PGS1: variants seen among roughly 807,000 people sequenced by gnomAD.
PGS1 encodes CDP-diacylglycerol--glycerol-3-phosphate 3-phosphatidyltransferase, mitochondrial.
PGS1 carries 44 observed loss-of-function variants against 58.3 expected under a neutral mutation model. The ratio of observed to expected loss-of-function variants is 0.75; its 90% CI spans 0.59 to 0.97. The LOEUF (loss-of-function observed/expected upper bound fraction) is 0.97. PGS1 is among the 50% of genes least tolerant of loss of function. The pLI, the probability that PGS1 is intolerant of heterozygous loss-of-function variation, is 0.00. For missense variants in PGS1, 684 were observed against 731.1 expected, an observed-to-expected ratio of 0.94 and a Z score of 0.74; for synonymous variants, 330 against 311.0, an observed-to-expected ratio of 1.06 and a Z score of -0.64.
At chr17:78,418,023 G>A (rs1350027582) in intron 8 of PGS1, among the ~76,000 whole-genome samples, 2 of 150,712 alleles carry the variant, frequency 1.3e-5, no homozygotes, top group Non-Finnish European at 3.0e-5. Context: ...TCTGCCTCCC[G>A]GGTTCAAGCG....
chr17:78,419,962 C>T, intron 9 of PGS1: 1 of 1,190,234 alleles, frequency 8.4e-7, no homozygotes, highest in South Asian at 1.7e-5. Context: ...CTCTCCCTTC[C>T]CAGGGGGTCC....
At position 78,398,265 on chromosome 17, in the gene PGS1, A is replaced by C. The variant is rs2083396628; in HGVS notation, c.425A>C (p.Glu142Ala). 6.2e-7 allele frequency: 1 copy of C among 1,612,158 alleles called. No individual in the cohort carries two copies. Among genetic ancestry groups the C allele is most frequent in the Non-Finnish European group, 8.5e-7 (1 of 1,178,376 alleles). Residue 142 changes from glutamate to alanine, a missense_variant, in exon 4 of 10, where the codon GAA (glutamate) becomes GCA (alanine). Coordinates refer to ENST00000262764, the MANE Select transcript of PGS1 (RefSeq NM_024419.5). ...CTTTCTTGGTAGGTGGACTGCCTGGAAAGTACTCTAGAAAAGTCACTCCAA... is the reference window on the plus strand; with the variant it reads ...CTTTCTTGGTAGGTGGACTGCCTGGCAAGTACTCTAGAAAAGTCACTCCAA... ...PLEQELVDCL[E>A]STLEKSLQAK...
intron 7 of PGS1, among the ~76,000 whole-genome samples, chr17:78,411,887 A>G (rs547674998): frequency 6.9e-6 from 1 of 144,654 alleles, no homozygotes; most frequent in South Asian, 2.2e-4. Flanking sequence ...ATGAAACAGA[A>G]CTAAAGGGCT....
chr17:78,390,062 T>TCCCCCGCCCCCGCCCCCCCCCCCCCCC (rs60682804), intron 1 of PGS1, among the ~76,000 whole-genome samples: 1 of 128,606 alleles, frequency 7.8e-6, no homozygotes, highest in Non-Finnish European at 1.7e-5. Context: ...TGTTGCCTGT[T>TCCCCCGCCCCCGCCCCCCCCCCCCCCC]CCCCCGCCCC....
intron 2 of PGS1, among the ~76,000 whole-genome samples, chr17:78,393,889 A>G (rs2083014267): frequency 8.5e-6 from 1 of 117,394 alleles, no homozygotes; most frequent in Non-Finnish European, 1.7e-5. Context: ...TGATATTAGA[A>G]TGAAGGTCTA....
intron 7 of PGS1, among the ~76,000 whole-genome samples, chr17:78,408,412 C>T (rs556073100): frequency 2.0e-5 from 3 of 152,170 alleles, no homozygotes; most frequent in African/African-American, 7.2e-5. Flanking sequence ...CCTGTGCAGT[C>T]GGGGGGATGG....
chr17:78,407,821 T>C (rs954177862), intron 7 of PGS1, among the ~76,000 whole-genome samples: 7 of 152,252 alleles, frequency 4.6e-5, no homozygotes, highest in Non-Finnish European at 8.8e-5. Flanking sequence ...AGTGTGGTGA[T>C]GCAAGGAAGA....
intron 1 of PGS1, among the ~76,000 whole-genome samples, chr17:78,391,199 C>T (rs978869368): frequency 3.9e-5 from 6 of 152,120 alleles, no homozygotes; most frequent in African/African-American, 7.2e-5. Context: ...CTGCACGCCT[C>T]GGCCTCCCAA....
At chr17:78,380,230 C>G (rs140439261) in intron 1 of PGS1, among the ~76,000 whole-genome samples, 1 of 152,132 alleles carries the variant, frequency 6.6e-6, no homozygotes, top group African/African-American at 2.4e-5. Context: ...AGAACTGCTT[C>G]CTTTAGTTGA....
chr17:78,417,149 C>G (rs2085264741), intron 8 of PGS1, among the ~76,000 whole-genome samples: 1 of 152,206 alleles, frequency 6.6e-6, no homozygotes, highest in African/African-American at 2.4e-5. Context: ...CCTCGAACAG[C>G]GTCGTAACCT....
chr17:78,422,336 T>G (rs959778813), intron 9 of PGS1, among the ~76,000 whole-genome samples: 2 of 152,144 alleles, frequency 1.3e-5, no homozygotes, highest in African/African-American at 4.8e-5. Context: ...TTCCCTCCGA[T>G]AGCCCTACTG....
chr17:78,403,523 C>G (rs755006113), intron 6 of PGS1, 45 bp from the exon 7 acceptor site: 6 of 1,581,290 alleles, frequency 3.8e-6, no homozygotes, highest in Non-Finnish European at 5.2e-6. Context: ...AGAGTCCAGA[C>G]CCTCCATTTC....
At chr17:78,380,709 A>G (rs914665789) in intron 1 of PGS1, among the ~76,000 whole-genome samples, 15 of 152,220 alleles carry the variant, frequency 9.9e-5, no homozygotes, top group African/African-American at 3.4e-4. Flanking sequence ...ATTTCCCTCT[A>G]TATGTTTAAA....
chr17:78,401,279 A>T (rs1369168186), intron 6 of PGS1, among the ~76,000 whole-genome samples: 1 of 152,128 alleles, frequency 6.6e-6, no homozygotes, highest in Non-Finnish European at 1.5e-5. Context: ...TGGGCGAGTG[A>T]CCCAGAAGCC....
intron 9 of PGS1, chr17:78,420,769 A>G (rs1216268818): frequency 2.6e-5 from 4 of 152,320 alleles, no homozygotes; most frequent in East Asian, 3.9e-4. Flanking sequence ...GAGTAAAACA[A>G]TACTGCGGCC....
chr17:78,423,869 C>T, intron 9 of PGS1, 192 bp from the exon 10 acceptor site: 1 of 1,609,376 alleles, frequency 6.2e-7, no homozygotes, highest in Non-Finnish European at 8.5e-7. Context: ...AGTTGTGGTC[C>T]AGCCCCAGGG....
chr17:78,409,590 G>A (rs943005644), intron 7 of PGS1, among the ~76,000 whole-genome samples: 7 of 152,328 alleles, frequency 4.6e-5, no homozygotes, highest in Admixed American at 3.9e-4. Flanking sequence ...TTCAGGCTGA[G>A]CACACACACC....
intron 3 of PGS1, chr17:78,397,957 TGTC>T (rs1965140548): frequency 2.0e-6 from 1 of 498,636 alleles, no homozygotes. Context: ...TGAGACCTGG[TGTC>T]GTAGCGTTTC....
At chr17:78,389,017 G>C (rs2082608161) in intron 1 of PGS1, among the ~76,000 whole-genome samples, 1 of 150,086 alleles carries the variant, frequency 6.7e-6, no homozygotes, top group South Asian at 2.1e-4. Flanking sequence ...GCCCTCTCCT[G>C]GGTTGCTATG....
Sources: gnomAD v4.1 joint callset for allele counts (sites outside exome capture counted in the v4.1 genomes callset) on GRCh38, gnomAD v4.1.1 for gene constraint, MANE v1.5 for transcripts, NCBI Gene and HGNC (gene_info 2026-07-23, HGNC 2026-07-21) for gene names.